The following WDFY3 variants were observed in gnomAD, a reference collection of about 807,000 sequenced individuals.
WDFY3 encodes the protein WD repeat and FYVE domain-containing protein 3.
WDFY3 carries 66 observed loss-of-function variants against 409.6 expected under a neutral mutation model. That is an observed-to-expected ratio of 0.16 (90% CI 0.13 to 0.20). The LOEUF (loss-of-function observed/expected upper bound fraction) is 0.20. WDFY3 is among the 10% of genes least tolerant of loss of function. WDFY3 has a pLI of 1.00. For synonymous variants in WDFY3, 1,521 were observed against 1,537.1 expected (o/e 0.99, Z 0.25); for missense variants, 3,031 against 4,298.1 (o/e 0.71, Z 8.24).
intron 2 of WDFY3, among the ~76,000 whole-genome samples, chr4:84,915,409 A>T (rs904505468): frequency 6.6e-6 from 1 of 152,222 alleles, no homozygotes; most frequent in Admixed American, 6.5e-5. Context: ...TTTGATCTAA[A>T]GTCTATCACC....
chr4:84,945,393 C>T (rs898368570), intron 1 of WDFY3, among the ~76,000 whole-genome samples: 3 of 152,206 alleles, frequency 2.0e-5, no homozygotes, highest in African/African-American at 7.2e-5. Flanking sequence ...ATAAGAAACA[C>T]CAATTCTGAA....
In WDFY3 at chr4:84,808,473, A is replaced by G. The variant is rs1351828676; in HGVS notation, c.2346-56T>C. The G allele has an allele frequency of 3.0e-5, 45 of 1,492,722 alleles. No individual in the cohort carries two copies. The East Asian group carries it at 5.0e-4, about 17-fold the overall frequency. The allele number at this position is 1,492,722 out of a possible 1,614,324, so 92.5% of individuals were successfully genotyped here. A position where few individuals can be genotyped will look rare whatever the true frequency, so the allele number is the denominator to read the frequency against. ...AGAGAGGTTAGAAGAAGAGAACACC[A>G]GGTTGGCAGTTGGTTAGTTTCACAA... On this transcript the variant is annotated intron_variant, in intron 14 of 67. Coordinates refer to ENST00000295888, the MANE Select transcript of WDFY3 (RefSeq NM_014991.6).
At chr4:84,844,483 T>C in intron 5 of WDFY3, 1 of 1,289,612 alleles carries the variant, frequency 7.8e-7, no homozygotes, top group Non-Finnish European at 1.0e-6. Context: ...TTGAAATCCT[T>C]GGGGGACAGC....
Position 84,708,535 on chromosome 4 carries a change from T to A in WDFY3, c.8217+374A>T, listed in dbSNP as rs969052062. 1.1e-4 allele frequency among the ~76,000 whole-genome samples: 17 copies of A among 150,332 alleles called. No homozygotes were observed. The South Asian group carries it at 1.7e-3, about 15-fold the overall frequency. On this transcript the variant is annotated intron_variant, in intron 53 of 67. Transcript: ENST00000295888. ...AATAAAACATTTAGGCAACCGTAGT[T>A]TTTTTTTTTTTTCTTTGTGGAGACA...
At chr4:84,819,202 G>C (rs951348158) in intron 12 of WDFY3, among the ~76,000 whole-genome samples, 1 of 151,968 alleles carries the variant, frequency 6.6e-6, no homozygotes, top group Admixed American at 6.6e-5. Flanking sequence ...TTCCCAGGGA[G>C]CAAGAATGAT....
intron 50 of WDFY3, among the ~76,000 whole-genome samples, chr4:84,713,822 T>G (rs1267655057): frequency 2.0e-5 from 3 of 152,160 alleles, no homozygotes; most frequent in African/African-American, 7.2e-5. Flanking sequence ...TTTTTCCTTT[T>G]TTAAAAAATT....
chr4:84,930,699 T>C (rs544057945), intron 2 of WDFY3, among the ~76,000 whole-genome samples: 1 of 152,350 alleles, frequency 6.6e-6, no homozygotes, highest in South Asian at 2.1e-4. Flanking sequence ...ATTTTATTCA[T>C]GATAGTCAAA....
At chr4:84,934,243 G>C (rs1029397212) in intron 1 of WDFY3, among the ~76,000 whole-genome samples, 1 of 152,020 alleles carries the variant, frequency 6.6e-6, no homozygotes, top group Non-Finnish European at 1.5e-5. Flanking sequence ...ACCTCATTGC[G>C]GTTTTGATTT....
In WDFY3 at chr4:84,817,455, A is replaced by G. The variant is rs774601186; in HGVS notation, c.1824T>C (p.Thr608=). The G allele has an allele frequency of 2.7e-5, 43 of 1,613,692 alleles. No individual in the cohort carries two copies. Among genetic ancestry groups the G allele is most frequent in the Non-Finnish European group, 3.6e-5 (43 of 1,179,788 alleles). ...GGGCTGAATGCATTAGCCCCAGGAGAGTGCCCATGTCATCGTCCCCATTTG... is the reference window on the plus strand; with the variant it reads ...GGGCTGAATGCATTAGCCCCAGGAGGGTGCCCATGTCATCGTCCCCATTTG... The part of the protein sequence containing the change: ...LSPNGDDDMG[T]LLGLMHSAPP... Residue 608 remains threonine (T), a synonymous_variant, in exon 13 of 68, where the codon ACT becomes ACC. Coordinates refer to ENST00000295888, the MANE Select transcript of WDFY3 (RefSeq NM_014991.6).
intron 35 of WDFY3, among the ~76,000 whole-genome samples, chr4:84,753,370 A>G (rs1001936830): frequency 3.9e-5 from 6 of 152,220 alleles, no homozygotes; most frequent in Non-Finnish European, 8.8e-5. Flanking sequence ...AATGGAAAAG[A>G]ACATTTTACA....
At chr4:84,716,706 G>A (rs929072882) in intron 49 of WDFY3, among the ~76,000 whole-genome samples, 190 bp downstream of exon 49, 5 of 151,804 alleles carry the variant, frequency 3.3e-5, no homozygotes, top group Admixed American at 2.0e-4. Context: ...GGCTAAGGCA[G>A]GAGAATGGTG....
intron 32 of WDFY3, among the ~76,000 whole-genome samples, chr4:84,764,929 G>C (rs962839896): frequency 4.6e-5 from 7 of 151,810 alleles, no homozygotes; most frequent in Non-Finnish European, 2.9e-5. Context: ...AGTAGTACAG[G>C]CAGCAGCTAG....
chr4:84,687,590 T>A (rs1428768784), intron 62 of WDFY3: 1 of 152,336 alleles, frequency 6.6e-6, no homozygotes, highest in Non-Finnish European at 1.5e-5. Flanking sequence ...CTCTCTGGAT[T>A]ACAAACTTTA....
intron 3 of WDFY3, among the ~76,000 whole-genome samples, chr4:84,880,007 T>C (rs1763276789): frequency 6.6e-6 from 1 of 152,196 alleles, no homozygotes; most frequent in Admixed American, 6.5e-5. Context: ...GTATGTTACA[T>C]TATGTGGCCA....
chr4:84,939,739 C>T, intron 1 of WDFY3, among the ~76,000 whole-genome samples: 1 of 151,680 alleles, frequency 6.6e-6, no homozygotes, highest in Non-Finnish European at 1.5e-5. Context: ...AAAAAAGTTT[C>T]TATTTTCTCG....
At chr4:84,905,041 C>T (rs534269149) in intron 2 of WDFY3, among the ~76,000 whole-genome samples, 1 of 151,720 alleles carries the variant, frequency 6.6e-6, no homozygotes, top group Non-Finnish European at 1.5e-5. Flanking sequence ...CGGGGAAAGA[C>T]CCACCGACCC....
At chr4:84,875,028 G>C (rs1310102358) in intron 3 of WDFY3, among the ~76,000 whole-genome samples, 1 of 151,986 alleles carries the variant, frequency 6.6e-6, no homozygotes, top group Non-Finnish European at 1.5e-5. Flanking sequence ...CCAGCACTTT[G>C]GGAGTCCGAG....
intron 1 of WDFY3, among the ~76,000 whole-genome samples, chr4:84,952,066 A>G (rs555023496): frequency 1.3e-5 from 2 of 152,318 alleles, no homozygotes; most frequent in South Asian, 4.1e-4. Context: ...ACCTCAGAAA[A>G]GCAATGCAGT....
chr4:84,783,712 G>C (rs943506060), intron 24 of WDFY3, among the ~76,000 whole-genome samples: 4 of 152,068 alleles, frequency 2.6e-5, no homozygotes, highest in African/African-American at 9.7e-5. Context: ...AGAGTTTATA[G>C]ATAAAACATG....
Sources: gnomAD v4.1 joint callset for allele counts (sites outside exome capture counted in the v4.1 genomes callset) on GRCh38, gnomAD v4.1.1 for gene constraint, MANE v1.5 for transcripts, NCBI Gene and HGNC (gene_info 2026-07-23, HGNC 2026-07-21) for gene names.